The following LINGO2 variants were observed in gnomAD, a reference collection of about 807,000 sequenced individuals.
LINGO2 encodes leucine-rich repeat and immunoglobulin-like domain-containing nogo receptor-interacting protein 2.
In LINGO2, 14 loss-of-function variants were observed where a neutral mutation model predicts 30.6. The ratio of observed to expected loss-of-function variants is 0.46; its 90% CI spans 0.30 to 0.72. The LOEUF is 0.72. LINGO2 is among the 30% of genes least tolerant of loss of function. LINGO2 has a pLI of 0.07. For synonymous variants in LINGO2, 317 were observed against 288.5 expected, an observed-to-expected ratio of 1.10 and a Z score of -1.00; for missense variants, 729 against 751.7, an observed-to-expected ratio of 0.97 and a Z score of 0.35.
intron 5 of LINGO2, among the ~76,000 whole-genome samples, chr9:27,994,891 T>C (rs1821581257): frequency 6.6e-6 from 1 of 152,160 alleles, no homozygotes; most frequent in South Asian, 2.1e-4. Context: ...CTTTGTCTTA[T>C]CTTTTCAGAG....
At chr9:28,042,690 C>G (rs1824247878) in intron 4 of LINGO2, among the ~76,000 whole-genome samples, 1 of 152,118 alleles carries the variant, frequency 6.6e-6, no homozygotes, top group African/African-American at 2.4e-5. Flanking sequence ...ATTTCAGACT[C>G]CCACTATAAT....
At chr9:28,211,467 G>A (rs530252296) in intron 4 of LINGO2, among the ~76,000 whole-genome samples, 1 of 151,268 alleles carries the variant, frequency 6.6e-6, no homozygotes, top group Non-Finnish European at 1.5e-5. Flanking sequence ...CAAAGGAGAG[G>A]AAACTTGAAC....
intron 4 of LINGO2, among the ~76,000 whole-genome samples, chr9:28,191,150 C>CATG: frequency 6.6e-6 from 1 of 152,162 alleles, no homozygotes. Flanking sequence ...AGAAAGGTCC[C>CATG]ATGGTTAAAT....
the LINGO2 span, among the ~76,000 whole-genome samples, chr9:28,941,448 C>T: frequency 6.6e-6 from 1 of 152,084 alleles, no homozygotes; most frequent in Non-Finnish European, 1.5e-5. Flanking sequence ...CATTTACATG[C>T]TAATGATACT....
At chr9:28,768,300 C>T in the LINGO2 span, among the ~76,000 whole-genome samples, 1 of 152,210 alleles carries the variant, frequency 6.6e-6, no homozygotes, top group Non-Finnish European at 1.5e-5. Context: ...GGTTCCAAAA[C>T]ATTCGAACTG....
At chr9:28,398,246 C>T (rs1822131875) in intron 2 of LINGO2, among the ~76,000 whole-genome samples, 1 of 152,156 alleles carries the variant, frequency 6.6e-6, no homozygotes, top group Non-Finnish European at 1.5e-5. Context: ...TGTTACCTGA[C>T]ACTGTACCTG....
intron 1 of LINGO2, among the ~76,000 whole-genome samples, chr9:28,627,769 T>C (rs1333133598): frequency 6.6e-6 from 1 of 152,022 alleles, no homozygotes; most frequent in Non-Finnish European, 1.5e-5. Context: ...TAAAAATAAT[T>C]GTGTAATTAA....
At chr9:28,628,269 G>C (rs1174510630) in intron 1 of LINGO2, among the ~76,000 whole-genome samples, 1 of 152,054 alleles carries the variant, frequency 6.6e-6, no homozygotes, top group Non-Finnish European at 1.5e-5. Flanking sequence ...TTTGTAGAAA[G>C]CTGCATATAA....
chr9:28,524,526 C>CG (rs34516167), intron 1 of LINGO2, among the ~76,000 whole-genome samples: 11,458 of 151,984 alleles, frequency 0.075, 654 homozygotes, highest in East Asian at 0.2. Context: ...AGGCTGAGGC[C>CG]GGGGGATCAC....
chr9:28,307,443 G>C (rs1015442634), intron 3 of LINGO2, among the ~76,000 whole-genome samples: 4 of 152,062 alleles, frequency 2.6e-5, no homozygotes, highest in Admixed American at 6.6e-5. Flanking sequence ...AACAATAAGA[G>C]CTATCTATGA....
chr9:29,160,808 G>C, the LINGO2 span, among the ~76,000 whole-genome samples: 1 of 152,222 alleles, frequency 6.6e-6, no homozygotes, highest in Non-Finnish European at 1.5e-5. Flanking sequence ...CTTTGGTCAA[G>C]ATTATGCCGA....
chr9:28,310,291 A>G (rs2134250536), intron 3 of LINGO2, among the ~76,000 whole-genome samples: 1 of 152,304 alleles, frequency 6.6e-6, no homozygotes, highest in South Asian at 2.1e-4. Context: ...CTACTCAAAC[A>G]TCCACCAACA....
chr9:28,435,360 A>G (rs1427053790), intron 2 of LINGO2, among the ~76,000 whole-genome samples: 1 of 152,176 alleles, frequency 6.6e-6, no homozygotes, highest in African/African-American at 2.4e-5. Context: ...CGGTATCACT[A>G]TATGTAAGAA....
chr9:28,149,917 C>T (rs1251883957), intron 4 of LINGO2, among the ~76,000 whole-genome samples: 1 of 151,462 alleles, frequency 6.6e-6, no homozygotes, highest in Non-Finnish European at 1.5e-5. Flanking sequence ...CGCCGCCGTC[C>T]TGTCTGCGAA....
At chr9:28,492,853 A>G (rs182066795) in intron 1 of LINGO2, among the ~76,000 whole-genome samples, 1 of 152,152 alleles carries the variant, frequency 6.6e-6, no homozygotes, top group Admixed American at 6.5e-5. Flanking sequence ...ACAACAACAA[A>G]AAAACGGTGA....
intron 4 of LINGO2, among the ~76,000 whole-genome samples, chr9:28,217,030 G>C (rs1475855788): frequency 1.3e-5 from 2 of 151,376 alleles, no homozygotes; most frequent in Non-Finnish European, 3.0e-5. Flanking sequence ...AGAAAAGCAA[G>C]GAATAGACAT....
At chr9:28,916,573 A>G in the LINGO2 span, among the ~76,000 whole-genome samples, 2 of 152,134 alleles carry the variant, frequency 1.3e-5, no homozygotes. Context: ...AATCACCTGG[A>G]AGCCACACCC....
chr9:29,099,210 C>T, the LINGO2 span, among the ~76,000 whole-genome samples: 2 of 152,194 alleles, frequency 1.3e-5, no homozygotes. Flanking sequence ...CCCTATATCT[C>T]TCACCACCTA....
chr9:28,690,124 T>C, the LINGO2 span, among the ~76,000 whole-genome samples: 1 of 152,108 alleles, frequency 6.6e-6, no homozygotes, highest in Non-Finnish European at 1.5e-5. Context: ...TAATGGATGC[T>C]GGGCTTAATA....
Sources: gnomAD v4.1 joint callset for allele counts (sites outside exome capture counted in the v4.1 genomes callset) on GRCh38, gnomAD v4.1.1 for gene constraint, MANE v1.5 for transcripts, NCBI Gene and HGNC (gene_info 2026-07-23, HGNC 2026-07-21) for gene names.